The following STOX2 variants were observed in gnomAD, a reference collection of about 807,000 sequenced individuals.
STOX2 encodes the protein storkhead box 2.
Under a neutral mutation model 60.9 loss-of-function variants are expected in STOX2, and 28 were observed. That is an observed-to-expected ratio of 0.46 (90% confidence interval 0.34 to 0.63). The LOEUF (loss-of-function observed/expected upper bound fraction) is 0.63. STOX2 is among the 30% of genes least tolerant of loss of function. STOX2 has a pLI of 0.01. For synonymous variants in STOX2, 472 were observed against 463.9 expected (o/e 1.02, Z -0.22); for missense variants, 1,024 against 1,187.7 (o/e 0.86, Z 2.03).
Position 184,020,455 on chromosome 4 carries a change from A to T in STOX2, c.*3171A>T, listed in dbSNP as rs1734540150. The T allele has an allele frequency of 6.6e-6, 1 of 151,718 alleles. No individual in the cohort carries two copies. The highest frequency in any genetic ancestry group is 1.5e-5 in the Non-Finnish European group (1 of 67,970). The allele number at this position is 151,718 out of a possible 1,614,324, so 9.4% of individuals were successfully genotyped here. The stretch of plus-strand genomic sequence containing the variant: ...TGAAAGAGCTATTTACTCTTTTGGA[A>T]ATCTGATTTGAAGTCTAAGTTTTCA... On this transcript the variant is annotated 3_prime_UTR_variant, in exon 4 of 4. Coordinates refer to ENST00000308497, the MANE Select transcript of STOX2 (RefSeq NM_020225.3).
chr4:183,864,690 G>A (rs112059048), intron 1 of STOX2, among the ~76,000 whole-genome samples: 6 of 152,042 alleles, frequency 3.9e-5, no homozygotes, highest in East Asian at 1.9e-4. Context: ...CACTGCGCCC[G>A]GCCAAATGGA....
At chr4:183,798,044 TCCGCTG>T in exon 1 of STOX2, 1 of 1,228,842 alleles carries the variant, frequency 8.1e-7, no homozygotes, top group Non-Finnish European at 1.0e-6. Flanking sequence ...GGCTTCCACA[TCCGCTG>T]CCTGGGTGAG....
chr4:183,852,867 C>T (rs1050506112), intron 1 of STOX2, among the ~76,000 whole-genome samples: 2 of 152,130 alleles, frequency 1.3e-5, no homozygotes, highest in Non-Finnish European at 2.9e-5. Context: ...GTTATTCACA[C>T]TTGTGATTGT....
At chr4:183,944,124 T>C (rs1218294862) in intron 1 of STOX2, among the ~76,000 whole-genome samples, 1 of 152,130 alleles carries the variant, frequency 6.6e-6, no homozygotes, top group Non-Finnish European at 1.5e-5. Flanking sequence ...TCCTAGGAAG[T>C]TGGGGACACT....
intron 1 of STOX2, chr4:183,960,135 A>G (rs1208501798): frequency 6.6e-6 from 1 of 152,258 alleles, no homozygotes; most frequent in Non-Finnish European, 1.5e-5. Flanking sequence ...GCAGGCTGCC[A>G]GCAAGCATGT....
intron 2 of STOX2, among the ~76,000 whole-genome samples, chr4:184,003,528 G>C (rs1173973414): frequency 6.6e-6 from 1 of 152,208 alleles, no homozygotes; most frequent in African/African-American, 2.4e-5. Flanking sequence ...ATGACTCATT[G>C]GTCAGCCTCA....
chr4:183,910,119 T>C (rs901943963), intron 1 of STOX2, among the ~76,000 whole-genome samples: 2 of 152,208 alleles, frequency 1.3e-5, no homozygotes, highest in Non-Finnish European at 2.9e-5. Flanking sequence ...AATATTAATT[T>C]CCCAGTGGTG....
chr4:183,849,072 C>T (rs990257088), intron 1 of STOX2, among the ~76,000 whole-genome samples: 18 of 152,268 alleles, frequency 1.2e-4, no homozygotes, highest in African/African-American at 4.1e-4. Flanking sequence ...TAGTAGATTC[C>T]AAGCATCAAA....
intron 1 of STOX2, among the ~76,000 whole-genome samples, chr4:183,883,358 C>T (rs1257260472): frequency 2.0e-5 from 3 of 146,420 alleles, no homozygotes; most frequent in Non-Finnish European, 3.0e-5. Flanking sequence ...CTCGCTCTGT[C>T]GCCCAGGCTG....
intron 1 of STOX2, among the ~76,000 whole-genome samples, chr4:183,877,575 G>C (rs1464589702): frequency 6.6e-6 from 1 of 152,190 alleles, no homozygotes; most frequent in East Asian, 1.9e-4. Flanking sequence ...CTGCACAGTG[G>C]AGTGGGACGC....
intron 1 of STOX2, among the ~76,000 whole-genome samples, chr4:183,913,508 C>T (rs1043675973): frequency 2.0e-5 from 3 of 152,010 alleles, no homozygotes; most frequent in Non-Finnish European, 2.9e-5. Flanking sequence ...CGTGGTGGTT[C>T]GCGCCTATAA....
At chr4:183,936,695 G>T (rs553766959) in intron 1 of STOX2, among the ~76,000 whole-genome samples, 2 of 152,288 alleles carry the variant, frequency 1.3e-5, no homozygotes, top group African/African-American at 4.8e-5. Flanking sequence ...AGGTATAGGT[G>T]CATGGAATTG....
At chr4:183,884,392 G>A (rs1307628060) in intron 1 of STOX2, among the ~76,000 whole-genome samples, 2 of 151,748 alleles carry the variant, frequency 1.3e-5, no homozygotes, top group African/African-American at 2.4e-5. Context: ...TATTTTATTG[G>A]TTTGGGAGGC....
At chr4:184,000,519 C>T (rs547631457) in intron 1 of STOX2, among the ~76,000 whole-genome samples, 1 of 152,158 alleles carries the variant, frequency 6.6e-6, no homozygotes, top group African/African-American at 2.4e-5. Context: ...CTCACCACCC[C>T]TCATAGAATG....
intron 1 of STOX2, among the ~76,000 whole-genome samples, chr4:183,956,362 T>TTCTATCTATCTATCTA (rs57987067): frequency 1.3e-5 from 2 of 149,086 alleles, no homozygotes; most frequent in African/African-American, 5.0e-5. Context: ...GCTGCATTTG[T>TTCTATCTATCTATCTA]TCTATCTATC....
At chr4:183,962,805 G>T (rs1489702713) in intron 1 of STOX2, among the ~76,000 whole-genome samples, 1 of 152,176 alleles carries the variant, frequency 6.6e-6, no homozygotes, top group Non-Finnish European at 1.5e-5. Context: ...GGGAAGTCTA[G>T]AGAAAAACAG....
chr4:183,986,851 AC>A (rs911676873), intron 1 of STOX2, among the ~76,000 whole-genome samples: 1 of 151,994 alleles, frequency 6.6e-6, no homozygotes, highest in African/African-American at 2.4e-5. Flanking sequence ...AGAGGATAGG[AC>A]GCTTTCAGGA....
chr4:183,891,227 C>T (rs116209456), intron 1 of STOX2, among the ~76,000 whole-genome samples: 1,576 of 151,162 alleles, frequency 0.01, 24 homozygotes, highest in African/African-American at 0.037. Context: ...ATGGAACCAG[C>T]CCAAATGCCC....
chr4:183,833,704 C>G (rs565770984), intron 1 of STOX2, among the ~76,000 whole-genome samples: 1 of 147,490 alleles, frequency 6.8e-6, no homozygotes, highest in Admixed American at 7.5e-5. Flanking sequence ...TGAGAAGGGC[C>G]GGGCGCGGTG....
Sources: gnomAD v4.1 joint callset for allele counts (sites outside exome capture counted in the v4.1 genomes callset) on GRCh38, gnomAD v4.1.1 for gene constraint, MANE v1.5 for transcripts, NCBI Gene and HGNC (gene_info 2026-07-23, HGNC 2026-07-21) for gene names.